The following CTNNBL1 variants were observed in gnomAD, a reference collection of about 807,000 sequenced individuals.
CTNNBL1 encodes the protein beta-catenin-like protein 1.
Under a neutral mutation model 72.7 loss-of-function variants are expected in CTNNBL1, and 31 were observed. The observed-to-expected ratio is 0.43, with a 90% CI of 0.32 to 0.58. The LOEUF (loss-of-function observed/expected upper bound fraction) is 0.58. Among genes scored for constraint, CTNNBL1 ranks in the 20% least tolerant of loss-of-function variants. The pLI is 0.08. For synonymous variants in CTNNBL1, 240 were observed against 267.3 expected, an observed-to-expected ratio of 0.90 and a Z score of 1.00; for missense variants, 534 against 725.1, an observed-to-expected ratio of 0.74 and a Z score of 3.03.
chr20:37,805,354 T>A (rs2281147), intron 11 of CTNNBL1, among the ~76,000 whole-genome samples: 21,683 of 151,988 alleles, frequency 0.14, 2,188 homozygotes, highest in East Asian at 0.39. Context: ...CCTGTCTGCC[T>A]GGCTATCTTT....
At chr20:37,708,030 G>C (rs1379397794) in intron 1 of CTNNBL1, among the ~76,000 whole-genome samples, 1 of 152,110 alleles carries the variant, frequency 6.6e-6, no homozygotes, top group Non-Finnish European at 1.5e-5. Flanking sequence ...TGTTTGTAGT[G>C]CCTGAAAACA....
At chr20:37,864,105 C>T (rs2072515805) in intron 15 of CTNNBL1, among the ~76,000 whole-genome samples, 1 of 152,044 alleles carries the variant, frequency 6.6e-6, no homozygotes, top group African/African-American at 2.4e-5. Flanking sequence ...AAGGTTGAGA[C>T]TCCCATGGAG....
intron 9 of CTNNBL1, 93 bp from the exon 10 acceptor site, chr20:37,779,094 T>C: frequency 7.8e-7 from 1 of 1,284,256 alleles, no homozygotes; most frequent in Non-Finnish European, 1.1e-6. Context: ...AGTCGTAGAG[T>C]TATGACCCAC....
chr20:37,694,085 G>C lies in CTNNBL1; in HGVS notation c.-38G>C, dbSNP rs2072766594. On this transcript the variant is annotated 5_prime_UTR_variant, in exon 1 of 16. Coordinates refer to ENST00000361383, the MANE Select transcript of CTNNBL1 (RefSeq NM_030877.5). ...GCTGACGGGCCCGCGGTCTGGGCGTGAGTGCAGGGAAGTGGAGTATTTGCT... is the reference window on the plus strand; with the variant it reads ...GCTGACGGGCCCGCGGTCTGGGCGTCAGTGCAGGGAAGTGGAGTATTTGCT... The C allele has an allele frequency of 6.3e-7, 1 of 1,599,690 alleles. No individual in the cohort carries two copies. Among genetic ancestry groups the C allele is most frequent in the African/African-American group, 1.4e-5 (1 of 74,064 alleles).
chr20:37,720,387 A>G (rs777502582), intron 1 of CTNNBL1, among the ~76,000 whole-genome samples: 17 of 152,072 alleles, frequency 1.1e-4, no homozygotes, highest in Non-Finnish European at 1.8e-4. Context: ...TTGAACTCCT[A>G]GGCTATTGCA....
In CTNNBL1 at chr20:37,842,412, A is replaced by T. The variant is rs1181632206; in HGVS notation, c.1385A>T (p.Glu462Val). 6.2e-7 allele frequency: 1 copy of T among 1,611,496 alleles called. No individual in the cohort carries two copies. Among genetic ancestry groups the T allele is most frequent in the Admixed American group, 1.7e-5 (1 of 60,000 alleles). Residue 462 changes from glutamate (E) to valine (V), a missense_variant, in exon 13 of 16, where the codon GAA becomes GTA. Coordinates refer to ENST00000361383, the MANE Select transcript of CTNNBL1 (RefSeq NM_030877.5). The stretch of plus-strand genomic sequence containing the variant: ...GTGGCGGACAAGAAGATTGAAGGGG[A>T]AAAACACGTATGTATCCCTGCCTCA... The part of the protein sequence containing the change: ...MQVADKKIEG[E>V]KHDMVRRGEI...
Position 37,737,928 on chromosome 20 carries a change from C to T in CTNNBL1, c.326+444C>T, listed in dbSNP as rs558182120. Reference sequence around the variant, plus strand: ...TCTCTGCCTGTAATAACAATAACAACCAAAATTGTAGGCTCCTGGAAGGAA... The same window carrying T: ...TCTCTGCCTGTAATAACAATAACAATCAAAATTGTAGGCTCCTGGAAGGAA... On this transcript the variant is annotated intron_variant, in intron 3 of 15. Coordinates refer to ENST00000361383, the MANE Select transcript of CTNNBL1 (RefSeq NM_030877.5). Among the ~76,000 whole-genome samples the T allele has an allele frequency of 3.9e-5, 6 of 152,276 alleles. No individual in the cohort carries two copies. The East Asian group carries it at 5.8e-4, about 15-fold the overall frequency.
intron 5 of CTNNBL1, among the ~76,000 whole-genome samples, chr20:37,764,610 A>G (rs111249079): frequency 4.5e-4 from 68 of 152,364 alleles, no homozygotes; most frequent in Non-Finnish European, 8.4e-4. Context: ...TGTGCATTCA[A>G]TGTCATACAA....
At chr20:37,743,057 G>A (rs148456249) in intron 3 of CTNNBL1, among the ~76,000 whole-genome samples, 1,894 of 152,072 alleles carry the variant, frequency 0.012, 17 homozygotes, top group Middle Eastern at 0.024. Context: ...GCCCACCTTG[G>A]CCTCCCAAAG....
At chr20:37,742,452 A>T (rs1212663624) in intron 3 of CTNNBL1, among the ~76,000 whole-genome samples, 2 of 152,224 alleles carry the variant, frequency 1.3e-5, no homozygotes, top group African/African-American at 4.8e-5. Flanking sequence ...GTTATGGTTC[A>T]ATAAAGCCAT....
chr20:37,745,337 A>T (rs1044229600), intron 3 of CTNNBL1, among the ~76,000 whole-genome samples: 15 of 152,150 alleles, frequency 9.9e-5, no homozygotes, highest in African/African-American at 3.6e-4. Context: ...TGTGCCCTCA[A>T]TTTAATTCAG....
Position 37,872,060 on chromosome 20 carries a change from AG to A in CTNNBL1, c.*49del. The A allele has an allele frequency of 6.7e-7, 1 of 1,487,570 alleles. No homozygotes were observed. The highest frequency in any genetic ancestry group is 9.4e-7 in the Non-Finnish European group (1 of 1,064,976). The allele number at this position is 1,487,570 out of a possible 1,614,324, so 92.1% of individuals were successfully genotyped here. On this transcript the variant is annotated 3_prime_UTR_variant, in exon 16 of 16. Transcript: ENST00000361383. ...CATGGACTCTCTCAGCTTCCCTCCC[AG>A]GATCAGTTTCTACACAACTCTGTGT...
rs145448184 is a variant in CTNNBL1 at position 37,859,911 on chromosome 20, C to T, written c.1405C>T (p.Arg469Ter). ...IEGEKHDMVR[R>*]GEIIDNDTEE... ...CATTTGTTTCTAGGACATGGTCCGG[C>T]GAGGAGAGATCATCGACAATGACAC... is the stretch of plus-strand genomic sequence containing the variant. The change falls in exon 14 of 16, where the codon CGA (arginine) becomes TGA (stop). Residue 469 changes from arginine to a stop codon, truncating the protein, a stop_gained. Coordinates refer to ENST00000361383, the MANE Select transcript of CTNNBL1 (RefSeq NM_030877.5). LOFTEE classifies it high-confidence loss of function. The T allele has an allele frequency of 8.1e-6, 13 of 1,613,962 alleles. No homozygotes were observed. The highest frequency in any genetic ancestry group is 1.1e-5 in the South Asian group (1 of 91,040).
rs149751096 is a variant in CTNNBL1 at position 37,864,679 on chromosome 20, A to G, written c.1603+4335A>G. 2.2e-3 allele frequency among the ~76,000 whole-genome samples: 340 copies of G among 152,320 alleles called. 2 individuals are homozygous for G. The highest frequency in any genetic ancestry group is 7.2e-3 in the African/African-American group (301 of 41,570). On this transcript the variant is annotated intron_variant, in intron 15 of 15. Transcript: ENST00000361383. ...CCGTGGTCTGAGGACTGAGACGGCCACAAAGAGAAGGGCAGATGGAGCCAT... is the reference window on the plus strand; with the variant it reads ...CCGTGGTCTGAGGACTGAGACGGCCGCAAAGAGAAGGGCAGATGGAGCCAT...
At chr20:37,733,166 G>A (rs1169147495) in intron 2 of CTNNBL1, 99 bp downstream of exon 2, 1 of 999,526 alleles carries the variant, frequency 1.0e-6, no homozygotes, top group Non-Finnish European at 1.5e-6. Flanking sequence ...ATCTTCATCT[G>A]TAAAATGGGG....
chr20:37,741,596 G>A (rs558793571), intron 3 of CTNNBL1, among the ~76,000 whole-genome samples: 2 of 152,280 alleles, frequency 1.3e-5, no homozygotes, highest in East Asian at 3.9e-4. Context: ...TATATTTAAT[G>A]GAGGCCAGAA....
intron 15 of CTNNBL1, among the ~76,000 whole-genome samples, chr20:37,864,240 C>G (rs997073961): frequency 2.0e-5 from 3 of 150,688 alleles, no homozygotes; most frequent in African/African-American, 7.3e-5. Context: ...AAAACAAAGC[C>G]TCATAAAGAA....
At chr20:37,863,669 C>A (rs938832936) in intron 15 of CTNNBL1, among the ~76,000 whole-genome samples, 35 of 152,044 alleles carry the variant, frequency 2.3e-4, no homozygotes, top group East Asian at 1.9e-4. Flanking sequence ...CTGGGCAGGG[C>A]TCCTGAGTTC....
chr20:37,819,843 TCTA>T (rs1302715003), intron 11 of CTNNBL1, among the ~76,000 whole-genome samples: 1 of 151,460 alleles, frequency 6.6e-6, no homozygotes, highest in Non-Finnish European at 1.5e-5. Context: ...ATCTTTAAAA[TCTA>T]CTAAATTCAT....
Sources: gnomAD v4.1 joint callset for allele counts (sites outside exome capture counted in the v4.1 genomes callset) on GRCh38, gnomAD v4.1.1 for gene constraint, MANE v1.5 for transcripts, NCBI Gene and HGNC (gene_info 2026-07-23, HGNC 2026-07-21) for gene names.